AGBL1: variants seen among roughly 807,000 people sequenced by gnomAD.
The protein encoded by AGBL1 is cytosolic carboxypeptidase 4.
Under a neutral mutation model 118.9 loss-of-function variants are expected in AGBL1, and 130 were observed. The ratio of observed to expected loss-of-function variants is 1.09; its 90% CI spans 0.95 to 1.26. The LOEUF (loss-of-function observed/expected upper bound fraction) is 1.26, where lower values mean the gene tolerates loss of function less well. Among genes scored for constraint, AGBL1 ranks in the 50% most tolerant of loss-of-function variants. The pLI is 0.00. For synonymous variants in AGBL1, 555 were observed against 478.9 expected, an observed-to-expected ratio of 1.16 and a Z score of -2.08; for missense variants, 1,584 against 1,298.1, an observed-to-expected ratio of 1.22 and a Z score of -3.38.
intron 22 of AGBL1, among the ~76,000 whole-genome samples, chr15:86,881,139 T>C (rs928881974): frequency 1.3e-5 from 2 of 152,320 alleles, no homozygotes; most frequent in East Asian, 1.9e-4. Context: ...TTTTGCAACA[T>C]GGGGAGTCTA....
At chr15:86,966,366 G>A (rs2081053094) in intron 23 of AGBL1, among the ~76,000 whole-genome samples, 2 of 150,944 alleles carry the variant, frequency 1.3e-5, no homozygotes, top group South Asian at 4.2e-4. Flanking sequence ...GGGTACATGG[G>A]CACAATATGC....
intron 18 of AGBL1, among the ~76,000 whole-genome samples, chr15:86,466,089 C>T (rs1275705355): frequency 6.6e-6 from 1 of 152,190 alleles, no homozygotes; most frequent in Non-Finnish European, 1.5e-5. Context: ...CCGGCCGACA[C>T]TTAGGGAAAA....
At chr15:86,267,672 C>T (rs1259604835) in intron 13 of AGBL1, among the ~76,000 whole-genome samples, 1 of 152,164 alleles carries the variant, frequency 6.6e-6, no homozygotes, top group Non-Finnish European at 1.5e-5. Flanking sequence ...GCTGTACAAA[C>T]TAAAAGAAAG....
chr15:86,755,834 C>T (rs926029834), intron 22 of AGBL1, among the ~76,000 whole-genome samples: 4 of 152,102 alleles, frequency 2.6e-5, no homozygotes, highest in African/African-American at 9.7e-5. Flanking sequence ...TCTTGCTTCA[C>T]CCTTAAGAAG....
intron 22 of AGBL1, among the ~76,000 whole-genome samples, chr15:86,847,028 C>T (rs2079329320): frequency 2.0e-5 from 3 of 152,078 alleles, no homozygotes; most frequent in Admixed American, 1.3e-4. Flanking sequence ...CTGATTATGT[C>T]TTCTAACATT....
At chr15:86,974,773 T>A (rs1379561519) in intron 23 of AGBL1, among the ~76,000 whole-genome samples, 1 of 151,534 alleles carries the variant, frequency 6.6e-6, no homozygotes, top group Non-Finnish European at 1.5e-5. Flanking sequence ...CTGAGCCAGA[T>A]CAAAAACAGA....
chr15:86,141,870 CT>C, intron 1 of AGBL1, 133 bp from the exon 2 acceptor site: 1 of 873,014 alleles, frequency 1.1e-6, no homozygotes. Flanking sequence ...AGTGAATCCC[CT>C]TGCCTGTCCT....
chr15:86,596,502 A>C (rs6496348), intron 21 of AGBL1, among the ~76,000 whole-genome samples: 1 of 152,204 alleles, frequency 6.6e-6, no homozygotes, highest in Non-Finnish European at 1.5e-5. Context: ...CCCACACCTA[A>C]GCGATCTTCT....
At chr15:86,408,046 G>C (rs770290306) in intron 18 of AGBL1, among the ~76,000 whole-genome samples, 1 of 152,094 alleles carries the variant, frequency 6.6e-6, no homozygotes, top group Non-Finnish European at 1.5e-5. Context: ...GCTGTCACAT[G>C]GTCAGCTCCC....
At chr15:86,639,119 A>G (rs1035201968) in intron 21 of AGBL1, among the ~76,000 whole-genome samples, 1 of 152,118 alleles carries the variant, frequency 6.6e-6, no homozygotes, top group African/African-American at 2.4e-5. Context: ...CTGCTACTTA[A>G]CCATAGAATT....
chr15:86,154,319 T>C (rs765678298), intron 3 of AGBL1, 111 bp from the exon 4 acceptor site: 48 of 1,245,132 alleles, frequency 3.9e-5, no homozygotes, highest in Non-Finnish European at 4.9e-5. Context: ...AAAATGTCTT[T>C]GGCTATGATT....
At chr15:86,156,983 T>A (rs1442938980) in intron 4 of AGBL1, among the ~76,000 whole-genome samples, 2 of 151,850 alleles carry the variant, frequency 1.3e-5, no homozygotes, top group Non-Finnish European at 2.9e-5. Context: ...AAAGACGGAG[T>A]TTCACCATGT....
At chr15:86,089,490 G>A (rs1460573459) in intron 1 of AGBL1, among the ~76,000 whole-genome samples, 1 of 152,172 alleles carries the variant, frequency 6.6e-6, no homozygotes, top group African/African-American at 2.4e-5. Context: ...GCCATATGGC[G>A]ATAAGGATAG....
rs547361974 is a variant in AGBL1 at position 86,677,327 on chromosome 15, C to T, written c.3158+2891C>T. 1.1e-4 allele frequency among the ~76,000 whole-genome samples: 17 copies of T among 152,278 alleles called. 1 individual carries two copies. In the South Asian group the frequency reaches 2.7e-3, roughly 24 times the overall value. On this transcript the variant is annotated intron_variant, in intron 22 of 22. Transcript: ENST00000614907. The stretch of plus-strand genomic sequence containing the variant: ...TTTGTTTTTGGTTTCCTTTTGCAGT[C>T]CTCTTCTTCCCAGTTGCTCATTTCA...
At chr15:86,155,567 A>C (rs2077177507) in intron 4 of AGBL1, among the ~76,000 whole-genome samples, 2 of 152,228 alleles carry the variant, frequency 1.3e-5, no homozygotes, top group African/African-American at 2.4e-5. Flanking sequence ...CTTTTTATTA[A>C]TACGTTAGAT....
intron 23 of AGBL1, among the ~76,000 whole-genome samples, chr15:86,982,120 C>A (rs2081237161): frequency 6.6e-6 from 1 of 152,046 alleles, no homozygotes; most frequent in African/African-American, 2.4e-5. Context: ...TTCTTAATGT[C>A]CTCCCAAACT....
At chr15:86,179,929 T>A (rs1231711461) in intron 5 of AGBL1, among the ~76,000 whole-genome samples, 1 of 152,082 alleles carries the variant, frequency 6.6e-6, no homozygotes, top group Non-Finnish European at 1.5e-5. Context: ...TCACTGAAAA[T>A]TTTTAATAAT....
chr15:86,864,780 G>C (rs552648816), intron 22 of AGBL1, among the ~76,000 whole-genome samples: 1 of 152,256 alleles, frequency 6.6e-6, no homozygotes, highest in African/African-American at 2.4e-5. Flanking sequence ...GGCGTCAGGA[G>C]TTACGATGCA....
In AGBL1 at chr15:86,359,405, T is replaced by C. The variant is rs866261374; in HGVS notation, c.2375-37961T>C. On this transcript the variant is annotated intron_variant, in intron 17 of 22. Transcript: ENST00000614907. The stretch of plus-strand genomic sequence containing the variant: ...TGGTTTTCTTTTTTTTTTTTTTTTT[T>C]TTTTTTGAATTCCACTATCGTGGTT... Among the ~76,000 whole-genome samples, 1,320 of 143,392 alleles carry C rather than the reference T, an allele frequency of 9.2e-3. 30 individuals are homozygous for C. Among genetic ancestry groups the C allele is most frequent in the African/African-American group, 0.032 (1,258 of 39,622 alleles). The allele number at this position is 143,392 out of a possible 152,430, so 94.1% of individuals were successfully genotyped here.
Sources: gnomAD v4.1 joint callset for allele counts (sites outside exome capture counted in the v4.1 genomes callset) on GRCh38, gnomAD v4.1.1 for gene constraint, MANE v1.5 for transcripts, NCBI Gene and HGNC (gene_info 2026-07-23, HGNC 2026-07-21) for gene names.